Variants in ACOXL observed in about 807,000 individuals in gnomAD.
The protein encoded by ACOXL is acyl-coenzyme A oxidase-like protein.
Under a neutral mutation model 71.9 loss-of-function variants are expected in ACOXL, and 70 were observed. The observed-to-expected ratio is 0.97, with a 90% CI of 0.80 to 1.19. The LOEUF (loss-of-function observed/expected upper bound fraction) is 1.19. Among genes scored for constraint, ACOXL ranks in the 50% most tolerant of loss-of-function variants. ACOXL has a pLI of 0.00. For synonymous variants in ACOXL, 253 were observed against 281.6 expected, an observed-to-expected ratio of 0.90 and a Z score of 1.02; for missense variants, 703 against 736.3, an observed-to-expected ratio of 0.95 and a Z score of 0.52.
intron 12 of ACOXL, among the ~76,000 whole-genome samples, chr2:110,982,650 G>A (rs2062760739): frequency 6.6e-6 from 1 of 152,154 alleles, no homozygotes; most frequent in Admixed American, 6.5e-5. Context: ...AGGAACCTAG[G>A]CTTGCCAGAT....
intron 1 of ACOXL, among the ~76,000 whole-genome samples, chr2:110,752,683 C>G (rs1324730623): frequency 6.6e-6 from 1 of 151,616 alleles, no homozygotes; most frequent in Non-Finnish European, 1.5e-5. Flanking sequence ...TTGTATGTTG[C>G]TACAGTGCTT....
rs774812771 is a variant in ACOXL, at chr2:110,987,141, A to C, written c.1093A>C (p.Lys365Gln). Residue 365 changes from lysine to glutamine, a missense_variant, in exon 13 of 18, where the codon AAA becomes CAA. Physicochemically the swap from Lys to Gln is moderately conservative, Grantham distance 53. Transcript: ENST00000439055. ...VGRELLAQYT[K>Q]QYEEKPLFGL... ...GCGGGAACTGCTGGCCCAATACACC[A>C]AACAGTATGAAGAAAAACCACTCTT... 19 of 1,576,064 alleles carry C rather than the reference A, an allele frequency of 1.2e-5. No homozygotes were observed. The highest frequency in any genetic ancestry group is 1.5e-5 in the Non-Finnish European group (17 of 1,157,756).
chr2:110,988,302 G>A (rs542719465), intron 13 of ACOXL, among the ~76,000 whole-genome samples: 16 of 152,140 alleles, frequency 1.1e-4, no homozygotes, highest in South Asian at 6.2e-4. Flanking sequence ...TTAGCCAGGC[G>A]TGGTGGCACA....
At position 111,033,577 on chromosome 2, in the gene ACOXL, TC is replaced by T. The variant is rs1177333423; in HGVS notation, c.1369+1866del. Among the ~76,000 whole-genome samples, 3 of 152,208 alleles carry T rather than the reference TC, an allele frequency of 2.0e-5. No homozygotes were observed. In the East Asian group the frequency reaches 5.8e-4, roughly 29 times the overall value. On this transcript the variant is annotated intron_variant, in intron 15 of 17. Coordinates refer to ENST00000439055, the MANE Select transcript of ACOXL (RefSeq NM_001142807.4). ...CCCTAGAGCCCACAGTGTGTCTACT[TC>T]CCTGGACTATCTCCATACACTCAGC...
At chr2:110,843,073 G>A (rs973880613) in intron 10 of ACOXL, among the ~76,000 whole-genome samples, 2 of 152,214 alleles carry the variant, frequency 1.3e-5, no homozygotes, top group Admixed American at 1.3e-4. Context: ...GTATGGTGGG[G>A]TGCGGTGGGT....
intron 12 of ACOXL, among the ~76,000 whole-genome samples, chr2:110,967,518 T>G (rs1402556422): frequency 6.6e-6 from 1 of 152,208 alleles, no homozygotes; most frequent in East Asian, 1.9e-4. Flanking sequence ...TAAATGGAGG[T>G]AAGGTTTCCA....
intron 10 of ACOXL, among the ~76,000 whole-genome samples, chr2:110,889,885 C>A (rs1697745671): frequency 1.3e-5 from 2 of 152,110 alleles, no homozygotes; most frequent in Admixed American, 1.3e-4. Context: ...TGAGGAACTA[C>A]CAAATATTTT....
At chr2:110,833,241 A>G (rs959937328) in intron 9 of ACOXL, among the ~76,000 whole-genome samples, 12 of 152,236 alleles carry the variant, frequency 7.9e-5, no homozygotes, top group African/African-American at 2.9e-4. Flanking sequence ...CTGCTCAGCA[A>G]TACGAAGGAA....
rs192985353 is a variant in ACOXL, at chr2:110,996,681, A to G, written c.1281+677A>G. On this transcript the variant is annotated intron_variant, in intron 14 of 17. Transcript: ENST00000439055. ...GTTGCTTCTCTCCTTCTGCATGGGA[A>G]TTAGGTTCCAAGCCAGCCAGAATTG... 7.9e-5 allele frequency among the ~76,000 whole-genome samples: 12 copies of G among 152,262 alleles called. No homozygotes were observed. In the East Asian group the frequency reaches 1.5e-3, roughly 20 times the overall value.
chr2:111,101,493 G>A (rs1021207108), intron 17 of ACOXL, among the ~76,000 whole-genome samples: 1 of 152,080 alleles, frequency 6.6e-6, no homozygotes, highest in Non-Finnish European at 1.5e-5. Context: ...CAGACCACCT[G>A]GATCAAGAGA....
At chr2:110,937,625 C>T (rs762154091) in intron 12 of ACOXL, among the ~76,000 whole-genome samples, 3 of 152,174 alleles carry the variant, frequency 2.0e-5, no homozygotes, top group Non-Finnish European at 4.4e-5. Flanking sequence ...TGCATACATG[C>T]TGCATCTTCA....
At chr2:110,737,877 C>T (rs1174740437) in intron 1 of ACOXL, among the ~76,000 whole-genome samples, 4 of 152,210 alleles carry the variant, frequency 2.6e-5, no homozygotes, top group African/African-American at 9.6e-5. Flanking sequence ...CTTGGTTACC[C>T]TTTGTAGAAG....
chr2:110,806,192 G>A (rs1269090509), intron 9 of ACOXL, among the ~76,000 whole-genome samples: 4 of 152,206 alleles, frequency 2.6e-5, no homozygotes, highest in Non-Finnish European at 4.4e-5. Flanking sequence ...CTTCGGGGTC[G>A]GCCACGCTTC....
intron 9 of ACOXL, among the ~76,000 whole-genome samples, chr2:110,819,898 A>G (rs1043596029): frequency 1.5e-4 from 23 of 152,202 alleles, no homozygotes; most frequent in African/African-American, 5.1e-4. Context: ...TCACTTGGCT[A>G]TGTGAACTTG....
At chr2:110,763,388 A>G (rs1270463561) in intron 1 of ACOXL, among the ~76,000 whole-genome samples, 1 of 152,226 alleles carries the variant, frequency 6.6e-6, no homozygotes, top group East Asian at 1.9e-4. Flanking sequence ...TCACATAAAT[A>G]TAGTCAACTG....
At chr2:110,792,685 G>T (rs1264977244) in intron 3 of ACOXL, among the ~76,000 whole-genome samples, 2 of 152,134 alleles carry the variant, frequency 1.3e-5, no homozygotes, top group African/African-American at 4.8e-5. Flanking sequence ...CCTAGTCCCA[G>T]CTACTCAGGA....
chr2:111,034,057 G>A (rs1278101182), intron 15 of ACOXL, among the ~76,000 whole-genome samples: 1 of 152,234 alleles, frequency 6.6e-6, no homozygotes, highest in Non-Finnish European at 1.5e-5. Context: ...GACTGAGGAT[G>A]GGGGCTCTGG....
At chr2:110,798,511 C>T (rs1685550923) in intron 5 of ACOXL, 99 bp from the exon 6 acceptor site, 1 of 929,882 alleles carries the variant, frequency 1.1e-6, no homozygotes, top group Non-Finnish European at 1.7e-6. Context: ...CCACCTCGGC[C>T]CCCCAAAGTG....
intron 14 of ACOXL, among the ~76,000 whole-genome samples, chr2:111,017,528 G>A (rs972722039): frequency 6.6e-6 from 1 of 152,208 alleles, no homozygotes; most frequent in Non-Finnish European, 1.5e-5. Context: ...TGGGGAGGAG[G>A]CATTTAGAAC....
Sources: allele counts gnomAD v4.1 joint callset (sites outside exome capture counted in the v4.1 genomes callset), GRCh38; gene constraint gnomAD v4.1.1; transcripts MANE v1.5; gene names NCBI Gene and HGNC (gene_info 2026-07-23, HGNC 2026-07-21).